Variants in TLE2 observed in about 807,000 individuals in gnomAD.
TLE2 encodes the protein transducin-like enhancer protein 2.
A neutral mutation model predicts 97.2 loss-of-function variants in TLE2; 74 were observed. The ratio of observed to expected loss-of-function variants is 0.76; its 90% CI spans 0.63 to 0.92. The LOEUF (loss-of-function observed/expected upper bound fraction) is 0.92. Ranked by LOEUF, TLE2 falls within the 40% of genes least tolerant of loss-of-function variation. The pLI, the probability that TLE2 is intolerant of heterozygous loss-of-function variation, is 0.00. For missense variants in TLE2, 1,038 were observed against 1,008.7 expected (o/e 1.03, Z -0.39); for synonymous variants, 499 against 432.1 (o/e 1.15, Z -1.92).
intron 11 of TLE2, among the ~76,000 whole-genome samples, chr19:3,012,718 C>T (rs1323250915): frequency 6.6e-6 from 1 of 152,174 alleles, no homozygotes; most frequent in Non-Finnish European, 1.5e-5. Context: ...GCAGCTGGAC[C>T]TCCATCTAGG....
intron 12 of TLE2, among the ~76,000 whole-genome samples, chr19:3,010,258 G>A (rs1344193827): frequency 6.6e-6 from 1 of 151,868 alleles, no homozygotes; most frequent in Non-Finnish European, 1.5e-5. Context: ...CAGCTACTCA[G>A]GAGGCTGGGG....
At chr19:3,000,500 G>A in intron 19 of TLE2, 147 bp downstream of exon 19, 1 of 646,602 alleles carries the variant, frequency 1.5e-6, no homozygotes, top group Non-Finnish European at 2.6e-6. Flanking sequence ...TTAGTACCTG[G>A]GCGGTAGGGA....
chr19:3,014,688 G>A (rs2089665806), intron 9 of TLE2, 74 bp from the exon 10 acceptor site: 2 of 1,397,846 alleles, frequency 1.4e-6, no homozygotes, highest in Non-Finnish European at 9.5e-7. Context: ...CTCCTCAGGA[G>A]TTGGAGGCAT....
chr19:3,028,258 C>T, intron 3 of TLE2, 61 bp downstream of exon 3: 2 of 1,526,216 alleles, frequency 1.3e-6, no homozygotes, highest in Non-Finnish European at 8.9e-7. Flanking sequence ...ACCCCAGAGT[C>T]CACCGTGACT....
At position 3,028,419 on chromosome 19, in the gene TLE2, C is replaced by A. The variant is rs929545731; in HGVS notation, c.123-37G>T. On this transcript the variant is annotated intron_variant, in intron 2 of 19. Transcript: ENST00000262953. ...AGAGAGGGCAAGGGGCTCCCACCCG[C>A]CCCATGTGGGCCGGCTTCCAAAGTG... 10 of 1,562,166 alleles carry A rather than the reference C, an allele frequency of 6.4e-6. No homozygotes were observed. In the Admixed American group the frequency reaches 1.3e-4, roughly 21 times the overall value.
At position 3,019,701 on chromosome 19, in the gene TLE2, C is replaced by A; in HGVS notation, c.367G>T (p.Gly123Trp). 6.2e-7 allele frequency: 1 copy of A among 1,609,342 alleles called. No individual in the cohort carries two copies. The highest frequency in any genetic ancestry group is 1.1e-5 in the South Asian group (1 of 90,216). ...GGGCAGGGGCTAGAGAGACTCACCC[C>A]GATGAGGCTGTTCAGCTCCCCCACG... ...VTVGELNSLIGQQLQPLSHHA... is the reference protein window; with the variant it reads ...VTVGELNSLIWQQLQPLSHHA... The change falls in exon 6 of 20, where the codon GGG becomes TGG. Residue 123 changes from glycine (G) to tryptophan (W), a missense_variant and splice_region_variant. Physicochemically the swap from Gly to Trp is radical, Grantham distance 184. Coordinates refer to ENST00000262953, the MANE Select transcript of TLE2 (RefSeq NM_003260.5). The surrounding 1 kb of genome is among the most constrained non-coding windows in gnomAD (Gnocchi z 5.1).
At chr19:3,015,189 A>C (rs1409004725) in intron 9 of TLE2, among the ~76,000 whole-genome samples, 1 of 152,044 alleles carries the variant, frequency 6.6e-6, no homozygotes, top group African/African-American at 2.4e-5. Flanking sequence ...AGGTGGGAGA[A>C]GGGGCTCCCC....
intron 8 of TLE2, 70 bp downstream of exon 8, chr19:3,017,770 C>A: frequency 1.4e-6 from 2 of 1,468,990 alleles, no homozygotes; most frequent in East Asian, 2.3e-5. Context: ...ATTCTGAGGC[C>A]CCCATCAGCT....
In TLE2 at chr19:3,006,424, C is replaced by A. The variant is rs1293045341; in HGVS notation, c.1496G>T (p.Cys499Phe). 4.3e-6 allele frequency: 7 copies of A among 1,609,788 alleles called. No homozygotes were observed. The highest frequency in any genetic ancestry group is 5.9e-6 in the Non-Finnish European group (7 of 1,179,314). Reference sequence around the variant, plus strand: ...ACTGTCCCACCCCGCCCTCACCAGGCAGTCGAGCTGGGCCACGGGCGTCTT... The same window carrying A: ...ACTGTCCCACCCCGCCCTCACCAGGAAGTCGAGCTGGGCCACGGGCGTCTT... Reference protein sequence around the residue: ...GAKTPVAQLDCLNRDNYIRSC... With the variant: ...GAKTPVAQLDFLNRDNYIRSC... The change falls in exon 15 of 20, where the codon TGC becomes TTC. Residue 499 changes from cysteine (C) to phenylalanine (F), a missense_variant. By Grantham distance (205) the Cys-to-Phe change is radical. Coordinates refer to ENST00000262953, the MANE Select transcript of TLE2 (RefSeq NM_003260.5).
chr19:3,002,335 C>G lies in TLE2; in HGVS notation c.2047+18G>C. The G allele has an allele frequency of 2.5e-6, 4 of 1,589,190 alleles. No individual in the cohort carries two copies. Among genetic ancestry groups the G allele is most frequent in the Non-Finnish European group, 2.6e-6 (3 of 1,165,940 alleles). ...GTTGGGGTTTTGAGGGCGTGCCACC[C>G]CGCCCCAGAAGACACACCGCAGGAG... On this transcript the variant is annotated intron_variant, in intron 18 of 19. Transcript: ENST00000262953.
At chr19:3,003,908 T>C (rs2089419747) in intron 17 of TLE2, among the ~76,000 whole-genome samples, 2 of 152,124 alleles carry the variant, frequency 1.3e-5, no homozygotes, top group Admixed American at 6.5e-5. Context: ...AGTTTCTCCA[T>C]GTTGGTCAGG....
At chr19:3,039,737 C>A (rs945579963) in intron 1 of TLE2, among the ~76,000 whole-genome samples, 1 of 152,194 alleles carries the variant, frequency 6.6e-6, no homozygotes, top group Non-Finnish European at 1.5e-5. Context: ...ACCAAGGTCA[C>A]CCAGCATGAC....
rs144546853 is a variant in TLE2 at position 3,004,894 on chromosome 19, C to T, written c.1896+543G>A. On this transcript the variant is annotated intron_variant, in intron 17 of 19. Transcript: ENST00000262953. ...CAGTGAGAGGCAGGATCTGGGGTCA[C>T]GGTGCCTGAAGATTCACTCTCTTTG... Among the ~76,000 whole-genome samples the T allele has an allele frequency of 3.0e-3, 459 of 152,182 alleles. 6 individuals are homozygous for T. Among genetic ancestry groups the T allele is most frequent in the African/African-American group, 0.01 (435 of 41,510 alleles).
intron 1 of TLE2, among the ~76,000 whole-genome samples, chr19:3,036,761 C>A (rs926163096): frequency 6.6e-6 from 1 of 152,210 alleles, no homozygotes; most frequent in African/African-American, 2.4e-5. Context: ...ACCCATACTC[C>A]GTGCTGTTCT....
At chr19:3,027,620 C>G (rs1391107671) in intron 4 of TLE2, among the ~76,000 whole-genome samples, 1 of 152,186 alleles carries the variant, frequency 6.6e-6, no homozygotes, top group Non-Finnish European at 1.5e-5. Context: ...TAGATACTGT[C>G]TTCAGAAGGT....
chr19:3,010,231 G>A (rs956723215), intron 12 of TLE2, among the ~76,000 whole-genome samples: 5 of 151,920 alleles, frequency 3.3e-5, no homozygotes, highest in African/African-American at 9.7e-5. Context: ...GGGCATGGTG[G>A]TGCATGCCCG....
intron 5 of TLE2, among the ~76,000 whole-genome samples, 152 bp downstream of exon 5, chr19:3,024,868 G>A (rs1433867030): frequency 6.6e-6 from 1 of 152,240 alleles, no homozygotes; most frequent in African/African-American, 2.4e-5. Context: ...CCTGGCCTCA[G>A]GGCTGCGGGA....
chr19:3,029,565 G>GGGC (rs1568252141), upstream of TLE2: 13 of 742,548 alleles, frequency 1.8e-5, no homozygotes, highest in African/African-American at 2.1e-4. Flanking sequence ...GAGCGGGGGG[G>GGGC]GGGGCTTGCG....
At chr19:3,036,999 T>C (rs957880632) in intron 1 of TLE2, among the ~76,000 whole-genome samples, 37 of 152,152 alleles carry the variant, frequency 2.4e-4, no homozygotes, top group Non-Finnish European at 1.5e-5. Flanking sequence ...TTAATAGATG[T>C]TGGGGCAGGG....
Sources: gnomAD v4.1 joint callset for allele counts (sites outside exome capture counted in the v4.1 genomes callset) on GRCh38, gnomAD v4.1.1 for gene constraint, Gnocchi (gnomAD v3.1) non-coding constraint, MANE v1.5 for transcripts, NCBI Gene and HGNC (gene_info 2026-07-23, HGNC 2026-07-21) for gene names.